The following BARX2 variants were observed in gnomAD, a reference collection of about 807,000 sequenced individuals.
The protein encoded by BARX2 is homeobox protein BarH-like 2.
BARX2 carries 11 observed loss-of-function variants against 25.5 expected under a neutral mutation model. The observed-to-expected ratio is 0.43, with a 90% CI of 0.27 to 0.71. BARX2 has a LOEUF of 0.71. Ranked by LOEUF, BARX2 falls within the 30% of genes least tolerant of loss-of-function variation. The pLI, the probability that BARX2 is intolerant of heterozygous loss-of-function variation, is 0.19. For missense variants in BARX2, 360 were observed against 359.9 expected (o/e 1.00, Z 0.00); for synonymous variants, 137 against 149.5 (o/e 0.92, Z 0.61).
intron 3 of BARX2, among the ~76,000 whole-genome samples, chr11:129,445,778 G>C (rs1450323851): frequency 6.6e-6 from 1 of 152,134 alleles, no homozygotes; most frequent in Non-Finnish European, 1.5e-5. Flanking sequence ...GAGCGGTCAG[G>C]GCAGCAGCAG....
chr11:129,421,210 T>G (rs983696370), intron 1 of BARX2, among the ~76,000 whole-genome samples: 1 of 152,202 alleles, frequency 6.6e-6, no homozygotes, highest in African/African-American at 2.4e-5. Flanking sequence ...GGTTACCCCT[T>G]ATTATAGTAG....
At position 129,436,458 on chromosome 11, in the gene BARX2, A is replaced by G. The variant is rs956998403; in HGVS notation, c.188-293A>G. 4 of 368,544 alleles carry G rather than the reference A, an allele frequency of 1.1e-5. No individual in the cohort carries two copies. The Admixed American group carries it at 1.8e-4, about 17-fold the overall frequency. The allele number at this position is 368,544 out of a possible 1,614,324, so 22.8% of individuals were successfully genotyped here. A position where few individuals can be genotyped will look rare whatever the true frequency, so the allele number is the denominator to read the frequency against. ...CATCTGCCTGGTCCCATGGACCAAG[A>G]ATTTAGGGATTCCGAAGGGAGAGAG... On this transcript the variant is annotated intron_variant, in intron 1 of 3. Coordinates refer to ENST00000281437, the MANE Select transcript of BARX2 (RefSeq NM_003658.5). The surrounding 1 kb of genome is among the most constrained non-coding windows in gnomAD (Gnocchi z 4.5).
At chr11:129,385,364 T>C (rs539190988) in intron 1 of BARX2, among the ~76,000 whole-genome samples, 1 of 152,316 alleles carries the variant, frequency 6.6e-6, no homozygotes, top group South Asian at 2.1e-4. Flanking sequence ...CTGTGTGTTA[T>C]GTTAGTAAAA....
Position 129,378,108 on chromosome 11 carries a change from C to T in BARX2, c.187+1886C>T, listed in dbSNP as rs143794497. 1.5e-3 allele frequency among the ~76,000 whole-genome samples: 222 copies of T among 152,278 alleles called. 2 individuals are homozygous for T. In the South Asian group the frequency reaches 0.017, roughly 12 times the overall value. ...AAGTGTTGCTCAGTCTTGTGCTTTT[C>T]GAAGTTCACTGATGGTTCGTGGTAG... On this transcript the variant is annotated intron_variant, in intron 1 of 3. Transcript: ENST00000281437.
intron 1 of BARX2, among the ~76,000 whole-genome samples, chr11:129,423,236 G>C (rs1383746945): frequency 6.6e-6 from 1 of 151,226 alleles, no homozygotes; most frequent in Non-Finnish European, 1.5e-5. Context: ...CCTGCCTCAG[G>C]CTCCCGAGTA....
At chr11:129,384,243 T>A (rs185410402) in intron 1 of BARX2, among the ~76,000 whole-genome samples, 76 of 152,164 alleles carry the variant, frequency 5.0e-4, no homozygotes, top group South Asian at 4.8e-3. Flanking sequence ...TTTTTTTTTT[T>A]TAAAAAACCA....
upstream of BARX2, among the ~76,000 whole-genome samples, chr11:129,375,582 C>T (rs1423493133): frequency 6.6e-6 from 1 of 151,892 alleles, no homozygotes; most frequent in Non-Finnish European, 1.5e-5. This position sits in a 1 kb window ranked among gnomAD's most constrained non-coding sequence, Gnocchi z 4.0. Flanking sequence ...ACCTGGAGCG[C>T]GTCCCGGGGG....
chr11:129,383,422 C>T (rs1861587881), intron 1 of BARX2, among the ~76,000 whole-genome samples: 1 of 152,132 alleles, frequency 6.6e-6, no homozygotes, highest in South Asian at 2.1e-4. Flanking sequence ...TTGAATCCTA[C>T]ATATGATTGC....
chr11:129,402,057 A>G lies in BARX2; in HGVS notation c.187+25835A>G, dbSNP rs116117848. 8.8e-3 allele frequency among the ~76,000 whole-genome samples: 1,335 copies of G among 151,764 alleles called. 21 individuals are homozygous for G. Among genetic ancestry groups the G allele is most frequent in the African/African-American group, 0.031 (1,273 of 41,302 alleles). On this transcript the variant is annotated intron_variant, in intron 1 of 3. Coordinates refer to ENST00000281437, the MANE Select transcript of BARX2 (RefSeq NM_003658.5). ...CAGATAAAATAAATATGCAAAAGAC[A>G]TAAATATCCTTACATAGAAGTGTAT...
At chr11:129,437,353 C>A in intron 2 of BARX2, 1 of 766,378 alleles carries the variant, frequency 1.3e-6, no homozygotes, top group Non-Finnish European at 1.7e-6. Flanking sequence ...CTCAGGCGGT[C>A]AGCTGGGAAA....
At chr11:129,440,662 C>G (rs1862245284) in intron 2 of BARX2, among the ~76,000 whole-genome samples, 1 of 152,142 alleles carries the variant, frequency 6.6e-6, no homozygotes, top group South Asian at 2.1e-4. Flanking sequence ...TCCAGGGTCC[C>G]CTGAAGGAAG....
intron 2 of BARX2, 94 bp downstream of exon 2, chr11:129,437,145 A>G (rs1862201067): frequency 7.5e-7 from 1 of 1,332,490 alleles, no homozygotes; most frequent in Non-Finnish European, 1.0e-6. Flanking sequence ...GCACTGGTAC[A>G]GTGAGGCAGG....
intron 1 of BARX2, among the ~76,000 whole-genome samples, chr11:129,378,589 A>C (rs1212327566): frequency 9.0e-6 from 1 of 111,088 alleles, no homozygotes; most frequent in Admixed American, 1.2e-4. Flanking sequence ...TTTTTGCTAG[A>C]TGGAACTAAA....
intron 1 of BARX2, among the ~76,000 whole-genome samples, chr11:129,381,154 C>T (rs1283068763): frequency 6.6e-6 from 1 of 152,134 alleles, no homozygotes; most frequent in African/African-American, 2.4e-5. Flanking sequence ...AATGAAAAAA[C>T]GATTAGAAAT....
At chr11:129,418,946 G>A (rs1861973740) in intron 1 of BARX2, among the ~76,000 whole-genome samples, 1 of 152,194 alleles carries the variant, frequency 6.6e-6, no homozygotes, top group African/African-American at 2.4e-5. Context: ...TCTTGGCCTG[G>A]CCACTGTCCG....
intron 1 of BARX2, among the ~76,000 whole-genome samples, chr11:129,428,681 C>G (rs1005166179): frequency 6.6e-6 from 1 of 152,218 alleles, no homozygotes; most frequent in African/African-American, 2.4e-5. Context: ...GTTTGTAGCA[C>G]ACACATTACC....
At chr11:129,395,158 A>G (rs186011951) in intron 1 of BARX2, among the ~76,000 whole-genome samples, 1 of 152,350 alleles carries the variant, frequency 6.6e-6, no homozygotes, top group African/African-American at 2.4e-5. Context: ...TAATTTAAAA[A>G]ACAAAGTCAC....
At chr11:129,447,237 G>T (rs1862341696) in intron 3 of BARX2, among the ~76,000 whole-genome samples, 3 of 152,140 alleles carry the variant, frequency 2.0e-5, no homozygotes, top group Admixed American at 1.3e-4. Flanking sequence ...TACCCAGGCT[G>T]CTTGGAGGGA....
At chr11:129,434,435 A>C (rs1348181392) in intron 1 of BARX2, among the ~76,000 whole-genome samples, 3 of 147,972 alleles carry the variant, frequency 2.0e-5, no homozygotes, top group South Asian at 2.1e-4. Context: ...AAAAAAAAAA[A>C]AAAAAAAAAA....
Sources: allele counts gnomAD v4.1 joint callset (sites outside exome capture counted in the v4.1 genomes callset), GRCh38; gene constraint gnomAD v4.1.1; non-coding constraint Gnocchi (gnomAD v3.1); transcripts MANE v1.5; gene names NCBI Gene and HGNC (gene_info 2026-07-23, HGNC 2026-07-21).